Variants in KCNIP4 observed in about 807,000 individuals in gnomAD.
The protein encoded by KCNIP4 is Kv channel-interacting protein 4.
KCNIP4 carries 12 observed loss-of-function variants against 34.0 expected under a neutral mutation model. That is an observed-to-expected ratio of 0.35 (90% CI 0.23 to 0.57). KCNIP4 has a LOEUF of 0.57. Ranked by LOEUF, KCNIP4 falls within the 20% of genes least tolerant of loss-of-function variation. The pLI is 0.83. For missense variants in KCNIP4, 238 were observed against 311.7 expected, an observed-to-expected ratio of 0.76 and a Z score of 1.78; for synonymous variants, 124 against 102.2, an observed-to-expected ratio of 1.21 and a Z score of -1.29.
At chr4:21,109,043 T>G (rs1290553578) in intron 1 of KCNIP4, among the ~76,000 whole-genome samples, 6 of 151,930 alleles carry the variant, frequency 3.9e-5, no homozygotes, top group Non-Finnish European at 8.8e-5. Flanking sequence ...TGCTCGGGGG[T>G]CAGGGGTCAG....
At chr4:21,080,250 T>C (rs1045694909) in intron 1 of KCNIP4, among the ~76,000 whole-genome samples, 1 of 151,818 alleles carries the variant, frequency 6.6e-6, no homozygotes, top group African/African-American at 2.4e-5. Flanking sequence ...TCCTCACCTA[T>C]AATATGGGGA....
chr4:21,081,291 G>A (rs912097313), intron 1 of KCNIP4, among the ~76,000 whole-genome samples: 3 of 151,774 alleles, frequency 2.0e-5, no homozygotes, highest in Non-Finnish European at 4.4e-5. Flanking sequence ...AGTGAAAAAA[G>A]AGCAAACATA....
At chr4:21,073,865 A>C (rs944053412) in intron 1 of KCNIP4, among the ~76,000 whole-genome samples, 2 of 152,078 alleles carry the variant, frequency 1.3e-5, no homozygotes, top group Non-Finnish European at 2.9e-5. Context: ...GAATTTTGTC[A>C]AAGGCCTTTT....
intron 1 of KCNIP4, among the ~76,000 whole-genome samples, chr4:21,259,448 C>A (rs1053037567): frequency 2.0e-5 from 3 of 152,130 alleles, no homozygotes; most frequent in Non-Finnish European, 4.4e-5. Context: ...CATGCTCCAG[C>A]TCTTTCATTA....
intron 1 of KCNIP4, among the ~76,000 whole-genome samples, chr4:21,857,342 A>G (rs1343466692): frequency 6.6e-6 from 1 of 152,158 alleles, no homozygotes; most frequent in African/African-American, 2.4e-5. Flanking sequence ...TCAGCTGTGG[A>G]AAGGAGCTAT....
chr4:20,904,073 A>T (rs1042604058), intron 1 of KCNIP4, among the ~76,000 whole-genome samples: 3 of 152,104 alleles, frequency 2.0e-5, no homozygotes, highest in Admixed American at 6.5e-5. Flanking sequence ...CTCAGTTAGA[A>T]TTCCATCATT....
chr4:21,687,803 G>C (rs1021041318), intron 1 of KCNIP4, among the ~76,000 whole-genome samples: 12 of 152,144 alleles, frequency 7.9e-5, no homozygotes, highest in Non-Finnish European at 1.6e-4. Flanking sequence ...TTTTGGACTG[G>C]ATGATCAGGA....
chr4:21,782,928 A>G (rs1190982683), intron 1 of KCNIP4, among the ~76,000 whole-genome samples: 1 of 152,204 alleles, frequency 6.6e-6, no homozygotes, highest in Admixed American at 6.5e-5. Context: ...CAAACATTAT[A>G]TGATCCATGT....
intron 1 of KCNIP4, among the ~76,000 whole-genome samples, chr4:21,758,087 C>T (rs1717785931): frequency 6.6e-6 from 1 of 152,126 alleles, no homozygotes; most frequent in Admixed American, 6.6e-5. Context: ...GAAAGGAACA[C>T]AGGAAACCAG....
intron 1 of KCNIP4, among the ~76,000 whole-genome samples, chr4:20,919,139 T>C (rs1190550634): frequency 6.6e-6 from 1 of 152,220 alleles, no homozygotes; most frequent in Non-Finnish European, 1.5e-5. Context: ...AGGTATATCA[T>C]GTTTTACAAC....
chr4:20,798,091 T>TA (rs1713712139), intron 3 of KCNIP4, among the ~76,000 whole-genome samples: 1 of 152,244 alleles, frequency 6.6e-6, no homozygotes. Flanking sequence ...TCTCTATATT[T>TA]ATTTCTGAAC....
intron 1 of KCNIP4, among the ~76,000 whole-genome samples, chr4:21,902,238 T>A (rs1309947898): frequency 2.6e-5 from 4 of 152,088 alleles, no homozygotes; most frequent in Non-Finnish European, 5.9e-5. Flanking sequence ...ATTTCCTTCA[T>A]CACACAGAGG....
chr4:21,469,007 G>C (rs566377840), intron 1 of KCNIP4, among the ~76,000 whole-genome samples: 1 of 152,040 alleles, frequency 6.6e-6, no homozygotes, highest in African/African-American at 2.4e-5. Context: ...AAAACACTCT[G>C]AAATAAAATA....
At position 20,787,870 on chromosome 4, in the gene KCNIP4, ACTGT is replaced by A. The variant is rs372901751; in HGVS notation, c.289-28984_289-28981del. On this transcript the variant is annotated intron_variant, in intron 3 of 8. Coordinates refer to ENST00000382152, the MANE Select transcript of KCNIP4 (RefSeq NM_025221.6). ...TTAAAGCAACCATGTCTTCTTTATAACTGTCTGAGTGTCCAATTACATTTTCTTA... is the reference window on the plus strand; with the variant it reads ...TTAAAGCAACCATGTCTTCTTTATAACTGAGTGTCCAATTACATTTTCTTA... 3.8e-4 allele frequency among the ~76,000 whole-genome samples: 58 copies of A among 152,172 alleles called. 1 individual carries two copies. The East Asian group carries it at 9.8e-3, about 26-fold the overall frequency.
chr4:20,826,580 C>A (rs542866437), intron 3 of KCNIP4, among the ~76,000 whole-genome samples: 1 of 150,522 alleles, frequency 6.6e-6, no homozygotes, highest in South Asian at 2.1e-4. Context: ...CAGAGTGAGA[C>A]CTTGTCTCAA....
chr4:21,242,832 G>T (rs1759937002), intron 1 of KCNIP4, among the ~76,000 whole-genome samples: 1 of 151,770 alleles, frequency 6.6e-6, no homozygotes, highest in Non-Finnish European at 1.5e-5. Flanking sequence ...ATTACATGAG[G>T]CAATTCCTCA....
chr4:21,678,901 AT>A (rs1196173506), intron 1 of KCNIP4, among the ~76,000 whole-genome samples: 1 of 152,134 alleles, frequency 6.6e-6, no homozygotes, highest in Non-Finnish European at 1.5e-5. Flanking sequence ...TAAAGGAGTG[AT>A]TCAGTTAAAA....
At chr4:21,589,465 G>T (rs948497524) in intron 1 of KCNIP4, among the ~76,000 whole-genome samples, 12 of 150,586 alleles carry the variant, frequency 8.0e-5, no homozygotes, top group Non-Finnish European at 1.5e-4. Context: ...AAGCATATGA[G>T]GCATAGTCTA....
chr4:21,559,636 T>C (rs1038095799), intron 1 of KCNIP4, among the ~76,000 whole-genome samples: 2 of 151,996 alleles, frequency 1.3e-5, no homozygotes, highest in Non-Finnish European at 2.9e-5. Context: ...AGAGAAAAGG[T>C]GGTAACTTAT....
Sources: gnomAD v4.1 joint callset for allele counts (sites outside exome capture counted in the v4.1 genomes callset) on GRCh38, gnomAD v4.1.1 for gene constraint, MANE v1.5 for transcripts, NCBI Gene and HGNC (gene_info 2026-07-23, HGNC 2026-07-21) for gene names.